Variants in TMEM232 observed in about 807,000 individuals in gnomAD.
TMEM232 encodes transmembrane protein 232.
A neutral mutation model predicts 78.8 loss-of-function variants in TMEM232; 80 were observed. That is an observed-to-expected ratio of 1.01 (90% CI 0.85 to 1.22). The LOEUF (loss-of-function observed/expected upper bound fraction) is 1.22, where lower values mean the gene tolerates loss of function less well. TMEM232 is among the 50% of genes most tolerant of loss of function. The pLI, the probability that TMEM232 is intolerant of heterozygous loss-of-function variation, is 0.00. For synonymous variants in TMEM232, 297 were observed against 254.3 expected (o/e 1.17, Z -1.60); for missense variants, 881 against 742.2 (o/e 1.19, Z -2.17).
chr5:110,497,223 A>T (rs1765744588), intron 12 of TMEM232, among the ~76,000 whole-genome samples: 1 of 152,100 alleles, frequency 6.6e-6, no homozygotes, highest in African/African-American at 2.4e-5. Context: ...TAAAGAAAAG[A>T]TGTTGGGAAC....
Position 110,667,296 on chromosome 5 carries a change from G to T in TMEM232, c.57C>A (p.Ser19=), listed in dbSNP as rs951717547. Residue 19 remains serine, a synonymous_variant, in exon 2 of 14, where the codon TCC becomes TCA. Transcript: ENST00000455884. ...ATTTCCAGAGCTCTTCATGATAAGG[G>T]GAAGATATGCCTCCACATGTATTAA... The part of the protein sequence containing the change: ...PMINTCGGIS[S]PYHEELWKLN... 2 of 1,542,616 alleles carry T rather than the reference G, an allele frequency of 1.3e-6. No homozygotes were observed. The highest frequency in any genetic ancestry group is 1.4e-5 in the African/African-American group (1 of 72,608).
intron 7 of TMEM232, 108 bp from the exon 8 acceptor site, chr5:110,618,670 G>T (rs1401721741): frequency 8.8e-7 from 1 of 1,135,148 alleles, no homozygotes; most frequent in Non-Finnish European, 1.2e-6. Context: ...AAATGAAAAT[G>T]CATATTCTCT....
At chr5:110,437,427 A>T (rs1758561529) in intron 12 of TMEM232, among the ~76,000 whole-genome samples, 2 of 152,082 alleles carry the variant, frequency 1.3e-5, no homozygotes. Flanking sequence ...GGCTATAAAG[A>T]AAAGCAACAA....
chr5:110,588,778 C>A (rs772359526), intron 10 of TMEM232, among the ~76,000 whole-genome samples: 5 of 152,086 alleles, frequency 3.3e-5, no homozygotes, highest in Non-Finnish European at 7.4e-5. Context: ...TTTAAGCAGA[C>A]TTTGTTCACT....
At chr5:110,592,550 A>T (rs1430499547) in intron 10 of TMEM232, among the ~76,000 whole-genome samples, 1 of 152,142 alleles carries the variant, frequency 6.6e-6, no homozygotes, top group African/African-American at 2.4e-5. Flanking sequence ...ACATTACAAC[A>T]TCTATTTGTC....
intron 1 of TMEM232, among the ~76,000 whole-genome samples, chr5:110,722,354 G>T (rs1797730614): frequency 6.6e-6 from 1 of 152,158 alleles, no homozygotes; most frequent in Non-Finnish European, 1.5e-5. Flanking sequence ...TTCTCATGAA[G>T]TTGCAGTCAA....
At position 110,595,945 on chromosome 5, in the gene TMEM232, G is replaced by A. The variant is rs556618262; in HGVS notation, c.1276+9164C>T. On this transcript the variant is annotated intron_variant, in intron 10 of 13. Coordinates refer to ENST00000455884, the MANE Select transcript of TMEM232 (RefSeq NM_001039763.4). ...AGAGAACACCACTAAGATACTCCTC[G>A]AGAAGAGCAACCCCAAGACACATAA... Among the ~76,000 whole-genome samples the A allele has an allele frequency of 3.9e-5, 6 of 152,166 alleles. No individual in the cohort carries two copies. In the South Asian group the frequency reaches 6.2e-4, roughly 16 times the overall value.
intron 2 of TMEM232, among the ~76,000 whole-genome samples, chr5:110,657,185 T>C (rs576369595): frequency 2.0e-3 from 304 of 152,310 alleles, no homozygotes; most frequent in African/African-American, 7.1e-3. Flanking sequence ...TGAATAACAC[T>C]ATGGAGGTTC....
intron 12 of TMEM232, among the ~76,000 whole-genome samples, chr5:110,524,345 GAGAAAGAAAGAAAGAA>G (rs1446102252): frequency 9.3e-6 from 1 of 107,040 alleles, no homozygotes; most frequent in Non-Finnish European, 1.9e-5. Flanking sequence ...GAAAAAGAAA[GAGAAAGAAAGAAAGAA>G]AAAAAGAAAG....
chr5:110,462,454 T>C (rs1018957398), intron 12 of TMEM232, among the ~76,000 whole-genome samples: 2 of 152,192 alleles, frequency 1.3e-5, no homozygotes, highest in Non-Finnish European at 2.9e-5. Flanking sequence ...GCAGCTAGGA[T>C]AAAAGCAGGC....
At chr5:110,437,156 A>ATCTT (rs1367422314) in intron 12 of TMEM232, among the ~76,000 whole-genome samples, 1 of 151,866 alleles carries the variant, frequency 6.6e-6, no homozygotes, top group Non-Finnish European at 1.5e-5. Context: ...CATTGCAGAA[A>ATCTT]TCTTTTACTT....
chr5:110,461,390 A>C (rs1435872087), intron 12 of TMEM232, among the ~76,000 whole-genome samples: 1 of 152,202 alleles, frequency 6.6e-6, no homozygotes, highest in East Asian at 1.9e-4. Context: ...AGAGGTAAAG[A>C]AGCTGCAGAA....
At position 110,708,425 on chromosome 5, in the gene TMEM232, C is replaced by T. The variant is rs145288328; in HGVS notation, c.-13+18202G>A. Among the ~76,000 whole-genome samples, 14 of 152,190 alleles carry T rather than the reference C, an allele frequency of 9.2e-5. No individual in the cohort carries two copies. In the East Asian group the frequency reaches 2.3e-3, roughly 25 times the overall value. The stretch of plus-strand genomic sequence containing the variant: ...CACAAAATTCACTGGAAATAGTAGG[C>T]ATGCAGAAAAATTCAGAATATTATA... On this transcript the variant is annotated intron_variant, in intron 1 of 13. Transcript: ENST00000455884.
intron 11 of TMEM232, among the ~76,000 whole-genome samples, chr5:110,553,908 G>T (rs1439447580): frequency 6.6e-6 from 1 of 152,104 alleles, no homozygotes; most frequent in Admixed American, 6.6e-5. Flanking sequence ...TTTGTTGAGG[G>T]TTCCTAACAT....
chr5:110,540,671 G>A (rs73783625), intron 11 of TMEM232, among the ~76,000 whole-genome samples: 5,935 of 152,202 alleles, frequency 0.039, 182 homozygotes, highest in African/African-American at 0.081. Flanking sequence ...ACAGTAAATC[G>A]TAGTACAATT....
intron 11 of TMEM232, among the ~76,000 whole-genome samples, chr5:110,560,811 C>T (rs935422895): frequency 3.2e-4 from 48 of 152,252 alleles, no homozygotes; most frequent in East Asian, 9.7e-4. Flanking sequence ...GTCAGGTGAG[C>T]GCTATGCTAC....
chr5:110,700,786 G>GTAGGTAGATAGATAGATAGA (rs1554081854), intron 1 of TMEM232, among the ~76,000 whole-genome samples: 1 of 142,496 alleles, frequency 7.0e-6, no homozygotes, highest in African/African-American at 2.6e-5. Context: ...AGATAGATAG[G>GTAGGTAGATAGATAGATAGA]TAGATAGATA....
intron 1 of TMEM232, among the ~76,000 whole-genome samples, chr5:110,668,926 C>T (rs1189645259): frequency 1.3e-5 from 2 of 152,138 alleles, no homozygotes; most frequent in African/African-American, 4.8e-5. Context: ...TTCTTTAAAA[C>T]CAATGAGAAC....
chr5:110,629,864 G>A (rs1784897470), intron 5 of TMEM232, among the ~76,000 whole-genome samples: 1 of 152,020 alleles, frequency 6.6e-6, no homozygotes, highest in Non-Finnish European at 1.5e-5. Flanking sequence ...TAAGAATATT[G>A]TACACTTAGA....
Sources: gnomAD v4.1 joint callset for allele counts (sites outside exome capture counted in the v4.1 genomes callset) on GRCh38, gnomAD v4.1.1 for gene constraint, MANE v1.5 for transcripts, NCBI Gene and HGNC (gene_info 2026-07-23, HGNC 2026-07-21) for gene names.